The following RSPH14 variants were observed in gnomAD, a reference collection of about 807,000 sequenced individuals.
RSPH14 encodes the protein rhabdoid tumor deletion region gene 1.
In RSPH14, 20 loss-of-function variants were observed where a neutral mutation model predicts 26.7. That is an observed-to-expected ratio of 0.75 (90% CI 0.53 to 1.09). The LOEUF is 1.09. RSPH14 is among the 50% of genes least tolerant of loss of function. The pLI, the probability that RSPH14 is intolerant of heterozygous loss-of-function variation, is 0.00. For synonymous variants in RSPH14, 177 were observed against 189.3 expected (o/e 0.93, Z 0.53); for missense variants, 449 against 457.2 (o/e 0.98, Z 0.16).
At chr22:23,118,153 T>C (rs1308153672) in intron 4 of RSPH14, among the ~76,000 whole-genome samples, 1 of 152,186 alleles carries the variant, frequency 6.6e-6, no homozygotes, top group Non-Finnish European at 1.5e-5. Flanking sequence ...GCAGGAGCTC[T>C]CTTCTCACAA....
the RSPH14 span, among the ~76,000 whole-genome samples, chr22:23,165,170 G>A: frequency 2.6e-5 from 4 of 152,152 alleles, no homozygotes. Flanking sequence ...TGGGAGGAAG[G>A]GCCCACAGTA....
intron 4 of RSPH14, among the ~76,000 whole-genome samples, chr22:23,104,552 A>G (rs1385996846): frequency 6.6e-6 from 1 of 152,210 alleles, no homozygotes; most frequent in East Asian, 1.9e-4. Context: ...ACACATGAGA[A>G]CAGCTCTGGG....
At chr22:23,111,078 G>C (rs549212747) in intron 4 of RSPH14, among the ~76,000 whole-genome samples, 1 of 152,196 alleles carries the variant, frequency 6.6e-6, no homozygotes, top group African/African-American at 2.4e-5. Context: ...TTGCTGGGGG[G>C]CCTGCGCGCC....
chr22:23,103,151 G>C (rs1461225926), intron 4 of RSPH14, among the ~76,000 whole-genome samples: 1 of 152,176 alleles, frequency 6.6e-6, no homozygotes, highest in Non-Finnish European at 1.5e-5. Flanking sequence ...GCTCATACTG[G>C]CTCACAAGAG....
chr22:23,100,176 C>G (rs1009029988), intron 4 of RSPH14, among the ~76,000 whole-genome samples: 3 of 152,232 alleles, frequency 2.0e-5, no homozygotes, highest in African/African-American at 7.2e-5. Flanking sequence ...CCCAGCAGCA[C>G]AGGGAACTGG....
the RSPH14 span, among the ~76,000 whole-genome samples, chr22:23,171,736 G>A: frequency 6.6e-6 from 1 of 151,472 alleles, no homozygotes; most frequent in African/African-American, 2.4e-5. Context: ...CAGCTACTCG[G>A]GAGGCTGAGG....
At chr22:23,145,320 T>G (rs760620767), upstream of RSPH14, 7 of 1,540,594 alleles carry the variant, frequency 4.5e-6, no homozygotes, top group Admixed American at 6.9e-5. Context: ...TCCAGGAGTC[T>G]CTCTGCTGCC....
chr22:23,098,306 T>A (rs559678425), intron 4 of RSPH14, among the ~76,000 whole-genome samples: 6 of 152,362 alleles, frequency 3.9e-5, no homozygotes, highest in Admixed American at 2.6e-4. Flanking sequence ...AAGTGGCGCC[T>A]CCTGGGAGGC....
chr22:23,061,948 G>T lies in RSPH14; in HGVS notation c.654-3C>A. ...GTTTCTTGCCCTCTCGAGATATGCT[G>T]GGGCAGAGAGGGAACAGAGAGGGGC... On this transcript the variant is annotated splice_polypyrimidine_tract_variant and splice_region_variant and intron_variant, in intron 5 of 6. Coordinates refer to ENST00000216036, the MANE Select transcript of RSPH14 (RefSeq NM_014433.3). 1 of 1,613,936 alleles carries T rather than the reference G, an allele frequency of 6.2e-7. No homozygotes were observed. The highest frequency in any genetic ancestry group is 2.2e-5 in the East Asian group (1 of 44,870).
chr22:23,176,045 C>T, the RSPH14 span, among the ~76,000 whole-genome samples: 1 of 152,264 alleles, frequency 6.6e-6, no homozygotes, highest in Non-Finnish European at 1.5e-5. Context: ...AGCCCCGTGG[C>T]AACAAACAAC....
At position 23,084,806 on chromosome 22, in the gene RSPH14, C is replaced by A. The variant is rs569627400; in HGVS notation, c.422-20673G>T. 2.6e-5 allele frequency among the ~76,000 whole-genome samples: 4 copies of A among 152,316 alleles called. No homozygotes were observed. In the South Asian group the frequency reaches 8.3e-4, roughly 32 times the overall value. ...TGCTGGGAAGGCAGGGAAGTCAGGTCCCTGCTCTCCCAGATGAGTGTGGGC... is the reference window on the plus strand; with the variant it reads ...TGCTGGGAAGGCAGGGAAGTCAGGTACCTGCTCTCCCAGATGAGTGTGGGC... On this transcript the variant is annotated intron_variant, in intron 4 of 6. Transcript: ENST00000216036.
At chr22:23,153,396 G>T in the RSPH14 span, 1 of 220,506 alleles carries the variant, frequency 4.5e-6, no homozygotes. Context: ...CCTCCCCAAT[G>T]CCCACCCCAC....
chr22:23,166,147 TA>T, the RSPH14 span, among the ~76,000 whole-genome samples: 1,122 of 59,856 alleles, frequency 0.019, 43 homozygotes, highest in African/African-American at 0.026. Context: ...CTCTGTCTTT[TA>T]AAAAAAAAAA....
At chr22:23,150,297 T>A in the RSPH14 span, 1 of 635,896 alleles carries the variant, frequency 1.6e-6, no homozygotes, top group Non-Finnish European at 2.7e-6. Context: ...GGTTTTCTTT[T>A]TTTTTTCTTT....
At chr22:23,085,694 T>TC (rs1329841455) in intron 4 of RSPH14, among the ~76,000 whole-genome samples, 3 of 152,188 alleles carry the variant, frequency 2.0e-5, no homozygotes, top group Non-Finnish European at 4.4e-5. Flanking sequence ...GCCCTGGTTG[T>TC]CCCAGCTTGT....
At chr22:23,116,706 C>T (rs1346037579) in intron 4 of RSPH14, among the ~76,000 whole-genome samples, 1 of 152,208 alleles carries the variant, frequency 6.6e-6, no homozygotes, top group Non-Finnish European at 1.5e-5. Flanking sequence ...CTCACCTCCC[C>T]ACCCCCAGCC....
intron 1 of RSPH14, 141 bp from the exon 2 acceptor site, chr22:23,140,613 G>T: frequency 9.6e-7 from 1 of 1,037,898 alleles, no homozygotes; most frequent in Non-Finnish European, 1.3e-6. Flanking sequence ...TGAGAGCAAT[G>T]AAGAGATTTG....
In RSPH14 at chr22:23,099,371, C is replaced by T. The variant is rs114308963; in HGVS notation, c.421+34655G>A. Among the ~76,000 whole-genome samples the T allele has an allele frequency of 8.7e-3, 1,330 of 152,380 alleles. 12 individuals carry two copies. The highest frequency in any genetic ancestry group is 0.031 in the African/African-American group (1,270 of 41,600). ...GTCCGAAGGAATTGGCAGTCCCTTGCCCTGACTAGGGCCAAGTCCTGCAGG... is the reference window on the plus strand; with the variant it reads ...GTCCGAAGGAATTGGCAGTCCCTTGTCCTGACTAGGGCCAAGTCCTGCAGG... On this transcript the variant is annotated intron_variant, in intron 4 of 6. Transcript: ENST00000216036.
At chr22:23,061,699 T>G (rs1249192306) in intron 6 of RSPH14, 110 bp downstream of exon 6, 45 of 1,377,238 alleles carry the variant, frequency 3.3e-5, no homozygotes, top group Middle Eastern at 2.6e-4. Context: ...TTTTTTTTTT[T>G]GCAAAGTGTG....
Sources: allele counts gnomAD v4.1 joint callset (sites outside exome capture counted in the v4.1 genomes callset), GRCh38; gene constraint gnomAD v4.1.1; transcripts MANE v1.5; gene names NCBI Gene and HGNC (gene_info 2026-07-23, HGNC 2026-07-21).